Variants in PCOLCE2 observed in about 807,000 individuals in gnomAD.
PCOLCE2 encodes procollagen C-endopeptidase enhancer 2, also known as procollagen C-proteinase enhancer 2.
Under a neutral mutation model 47.0 loss-of-function variants are expected in PCOLCE2, and 42 were observed. The ratio of observed to expected loss-of-function variants is 0.89; its 90% CI spans 0.70 to 1.16. PCOLCE2 has a LOEUF of 1.16. PCOLCE2 is among the 50% of genes most tolerant of loss of function. PCOLCE2 has a pLI of 0.00. For synonymous variants in PCOLCE2, 169 were observed against 191.7 expected (o/e 0.88, Z 0.98); for missense variants, 500 against 526.1 (o/e 0.95, Z 0.49).
chr3:142,883,999 G>A (rs116317359), intron 2 of PCOLCE2, among the ~76,000 whole-genome samples: 32 of 152,208 alleles, frequency 2.1e-4, no homozygotes, highest in African/African-American at 6.0e-4. Flanking sequence ...CTCTAAATTC[G>A]CCTATGTGTC....
intron 5 of PCOLCE2, among the ~76,000 whole-genome samples, chr3:142,836,937 G>A (rs922365880): frequency 5.9e-5 from 9 of 152,172 alleles, no homozygotes; most frequent in African/African-American, 2.2e-4. Context: ...CTAATCCCTG[G>A]ACACTGTAAG....
chr3:142,881,303 C>T (rs1164823927), intron 2 of PCOLCE2, among the ~76,000 whole-genome samples: 1 of 152,116 alleles, frequency 6.6e-6, no homozygotes, highest in Non-Finnish European at 1.5e-5. Flanking sequence ...TTCAATTTCC[C>T]CATTTATGAA....
chr3:142,879,050 G>A (rs1933555187), intron 2 of PCOLCE2, among the ~76,000 whole-genome samples: 1 of 151,920 alleles, frequency 6.6e-6, no homozygotes, highest in Admixed American at 6.6e-5. Flanking sequence ...CTCTGGAGGT[G>A]GTCAAGGGAT....
chr3:142,862,400 A>G (rs1282084106), intron 2 of PCOLCE2, among the ~76,000 whole-genome samples: 1 of 152,172 alleles, frequency 6.6e-6, no homozygotes, highest in African/African-American at 2.4e-5. Flanking sequence ...ACCACTGACC[A>G]TCTGCTTTCT....
At chr3:142,883,601 T>C (rs952454738) in intron 2 of PCOLCE2, among the ~76,000 whole-genome samples, 4 of 151,610 alleles carry the variant, frequency 2.6e-5, no homozygotes, top group Admixed American at 2.0e-4. Context: ...GTGTTTTTAG[T>C]AGAGACAGGG....
chr3:142,843,389 G>A, intron 3 of PCOLCE2: 1 of 435,470 alleles, frequency 2.3e-6, no homozygotes, highest in South Asian at 1.7e-5. Context: ...GAGATGTTAA[G>A]GCTCCTCAAG....
At chr3:142,874,809 T>C (rs1377945227) in intron 2 of PCOLCE2, among the ~76,000 whole-genome samples, 2 of 152,158 alleles carry the variant, frequency 1.3e-5, no homozygotes, top group Non-Finnish European at 2.9e-5. Flanking sequence ...TTAATAAACA[T>C]GATTATAATA....
At chr3:142,843,338 T>A in intron 3 of PCOLCE2, 1 of 483,014 alleles carries the variant, frequency 2.1e-6, no homozygotes, top group South Asian at 1.6e-5. Context: ...AACATTTGAA[T>A]ATGCACTCAC....
At chr3:142,871,772 T>G (rs1274236987) in intron 2 of PCOLCE2, among the ~76,000 whole-genome samples, 4 of 152,224 alleles carry the variant, frequency 2.6e-5, no homozygotes, top group Non-Finnish European at 5.9e-5. Context: ...TTCCTTGAAA[T>G]AAAGCTCTTT....
At chr3:142,821,197 A>G in intron 7 of PCOLCE2, 152 bp from the exon 8 acceptor site, 1 of 614,180 alleles carries the variant, frequency 1.6e-6, no homozygotes, top group Non-Finnish European at 2.8e-6. Flanking sequence ...GCTTCTGTAC[A>G]TTTGTCACCA....
Position 142,888,984 on chromosome 3 carries a change from C to G in PCOLCE2, c.-88G>C, listed in dbSNP as rs1933773257. On this transcript the variant is annotated 5_prime_UTR_variant, in exon 1 of 9. Transcript: ENST00000295992. Reference sequence around the variant, plus strand: ...CACCCACCGCGCTCACACCGCCGCTCACACTGGCAGCAGCGCTGGCTCACA... The same window carrying G: ...CACCCACCGCGCTCACACCGCCGCTGACACTGGCAGCAGCGCTGGCTCACA... The G allele has an allele frequency of 1.6e-6, 1 of 618,820 alleles. No homozygotes were observed. Among genetic ancestry groups the G allele is most frequent in the Admixed American group, 4.4e-5 (1 of 22,856 alleles). The allele number at this position is 618,820 out of a possible 1,614,324, so 38.3% of individuals were successfully genotyped here.
chr3:142,848,512 C>G (rs1274337768), intron 2 of PCOLCE2, 40 bp from the exon 3 acceptor site: 1 of 1,548,082 alleles, frequency 6.5e-7, no homozygotes, highest in African/African-American at 1.4e-5. Flanking sequence ...GTCATGAAAA[C>G]AATATCTGAG....
At chr3:142,820,573 C>T (rs1937001509) in intron 8 of PCOLCE2, among the ~76,000 whole-genome samples, 1 of 152,124 alleles carries the variant, frequency 6.6e-6, no homozygotes, top group Non-Finnish European at 1.5e-5. Context: ...TTTCTTTAAA[C>T]CTAGACAGTA....
chr3:142,827,868 G>A (rs1292307715), intron 6 of PCOLCE2: 4 of 511,638 alleles, frequency 7.8e-6, no homozygotes, highest in Non-Finnish European at 1.4e-5. Flanking sequence ...ATCCACCTCC[G>A]AATCCAGTTC....
At chr3:142,850,254 A>G (rs1937375346) in intron 2 of PCOLCE2, among the ~76,000 whole-genome samples, 1 of 152,248 alleles carries the variant, frequency 6.6e-6, no homozygotes, top group Non-Finnish European at 1.5e-5. Context: ...AATCTTAAAT[A>G]TAAGCAGGCT....
chr3:142,875,610 T>C (rs1262957983), intron 2 of PCOLCE2, among the ~76,000 whole-genome samples: 1 of 152,206 alleles, frequency 6.6e-6, no homozygotes, highest in Non-Finnish European at 1.5e-5. Flanking sequence ...AACAGACCGA[T>C]GAAGAGGAAA....
At chr3:142,830,996 A>G (rs1267530993) in intron 5 of PCOLCE2, among the ~76,000 whole-genome samples, 1 of 152,200 alleles carries the variant, frequency 6.6e-6, no homozygotes, top group Non-Finnish European at 1.5e-5. Context: ...TGACCCAACC[A>G]GTTAGAAAAA....
chr3:142,818,839 G>A (rs9683118), intron 8 of PCOLCE2, among the ~76,000 whole-genome samples: 3,433 of 152,328 alleles, frequency 0.023, 142 homozygotes, highest in African/African-American at 0.079. Flanking sequence ...TGGACTGAGT[G>A]GTTAGATCAG....
At position 142,842,055 on chromosome 3, in the gene PCOLCE2, A is replaced by G. The variant is rs915310625; in HGVS notation, c.573+869T>C. Among the ~76,000 whole-genome samples the G allele has an allele frequency of 6.6e-5, 10 of 152,234 alleles. No homozygotes were observed. Among genetic ancestry groups the G allele is most frequent in the Non-Finnish European group, 1.0e-4 (7 of 68,034 alleles). ...TCTGTTGATTATTTCAGAACAATGAATGAAGCTTTTTGTGGGGAACCTGCA... is the reference window on the plus strand; with the variant it reads ...TCTGTTGATTATTTCAGAACAATGAGTGAAGCTTTTTGTGGGGAACCTGCA... On this transcript the variant is annotated intron_variant, in intron 4 of 8. Transcript: ENST00000295992. The surrounding 1 kb of genome is among the most constrained non-coding windows in gnomAD (Gnocchi z 4.1).
Sources: allele counts gnomAD v4.1 joint callset (sites outside exome capture counted in the v4.1 genomes callset), GRCh38; gene constraint gnomAD v4.1.1; non-coding constraint Gnocchi (gnomAD v3.1); transcripts MANE v1.5; gene names NCBI Gene and HGNC (gene_info 2026-07-23, HGNC 2026-07-21).